PPP1R10: variants seen among roughly 807,000 people sequenced by gnomAD.
PPP1R10 encodes the protein serine/threonine-protein phosphatase 1 regulatory subunit 10.
PPP1R10 carries 15 observed loss-of-function variants against 99.0 expected under a neutral mutation model. The ratio of observed to expected loss-of-function variants is 0.15; its 90% CI spans 0.10 to 0.23. PPP1R10 has a LOEUF of 0.23. PPP1R10 is among the 10% of genes least tolerant of loss of function. PPP1R10 has a pLI of 1.00. For synonymous variants in PPP1R10, 430 were observed against 449.5 expected (o/e 0.96, Z 0.55); for missense variants, 947 against 1,259.4 (o/e 0.75, Z 3.75).
At position 30,606,323 on chromosome 6, in the gene PPP1R10, GTTC is replaced by G. The variant is rs10549787; in HGVS notation, c.635-83_635-81del. On this transcript the variant is annotated intron_variant, in intron 8 of 19. Coordinates refer to ENST00000376511, the MANE Select transcript of PPP1R10 (RefSeq NM_002714.4). This position sits in a 1 kb window ranked among gnomAD's most constrained non-coding sequence, Gnocchi z 6.3. The stretch of plus-strand genomic sequence containing the variant: ...TTTCCTCCCGTTCTCACCCGCAAAT[GTTC>G]TTCTAGCCTTGTAACCAAAGCTTCC... The G allele has an allele frequency of 0.021, 33,583 of 1,576,194 alleles. 707 individuals are homozygous for G. The highest frequency in any genetic ancestry group is 0.11 in the African/African-American group (7,891 of 74,030).
chr6:30,603,023 T>G, intron 17 of PPP1R10, 64 bp from the exon 18 acceptor site: 1 of 1,440,700 alleles, frequency 6.9e-7, no homozygotes. Context: ...ATCTCCCATT[T>G]AGGTGCAACC....
chr6:30,616,386 G>A (rs1371049865), intron 2 of PPP1R10, 92 bp downstream of exon 2: 1 of 152,520 alleles, frequency 6.6e-6, no homozygotes, highest in Non-Finnish European at 1.5e-5. Context: ...TTTGTTCTAT[G>A]GTCTCATTTC....
chr6:30,607,715 A>G, intron 6 of PPP1R10, 125 bp downstream of exon 6: 3 of 1,072,432 alleles, frequency 2.8e-6, no homozygotes, highest in South Asian at 1.4e-5. Context: ...TAAAAGAAGG[A>G]AAAAAAGCAA....
Position 30,609,169 on chromosome 6 carries a change from G to A in PPP1R10, c.108-6C>T. The stretch of plus-strand genomic sequence containing the variant: ...TTCGTGCTTCCTTCATCAAACTGCA[G>A]AAGATGAGTTAGGGTTAGAAATGAA... On this transcript the variant is annotated splice_region_variant and splice_polypyrimidine_tract_variant and intron_variant, in intron 3 of 19. Coordinates refer to ENST00000376511, the MANE Select transcript of PPP1R10 (RefSeq NM_002714.4). The surrounding 1 kb of genome is among the most constrained non-coding windows in gnomAD (Gnocchi z 4.5). The A allele has an allele frequency of 1.9e-6, 3 of 1,612,966 alleles. No homozygotes were observed. Among genetic ancestry groups the A allele is most frequent in the Non-Finnish European group, 2.5e-6 (3 of 1,179,882 alleles).
intron 2 of PPP1R10, among the ~76,000 whole-genome samples, chr6:30,611,425 T>A (rs1446095515): frequency 6.6e-6 from 1 of 152,100 alleles, no homozygotes; most frequent in East Asian, 1.9e-4. Context: ...ACCTTCCTCA[T>A]CCTACATCTA....
At position 30,609,317 on chromosome 6, in the gene PPP1R10, T is replaced by C. The variant is rs1189819005; in HGVS notation, c.108-154A>G. ...TATACCTCTAGGAAGATGGGATGGA[T>C]CCAGTGTGACATGGAAACTTATGGG... On this transcript the variant is annotated intron_variant, in intron 3 of 19. Transcript: ENST00000376511. The surrounding 1 kb of genome is among the most constrained non-coding windows in gnomAD (Gnocchi z 4.5). Among the ~76,000 whole-genome samples, 10 of 152,140 alleles carry C rather than the reference T, an allele frequency of 6.6e-5. No homozygotes were observed. The highest frequency in any genetic ancestry group is 1.3e-4 in the Non-Finnish European group (9 of 68,010).
Position 30,603,104 on chromosome 6 carries a change from C to T in PPP1R10, c.1843+106G>A, listed in dbSNP as rs1803544462. On this transcript the variant is annotated intron_variant, in intron 17 of 19. Transcript: ENST00000376511. ...CCAGTCTTCCCCTCCCATTTCTTGCCTAGTGGCCACAGCCCTGTATTCTTC... is the reference window on the plus strand; with the variant it reads ...CCAGTCTTCCCCTCCCATTTCTTGCTTAGTGGCCACAGCCCTGTATTCTTC... The T allele has an allele frequency of 1.4e-5, 20 of 1,461,772 alleles. No homozygotes were observed. The South Asian group carries it at 2.3e-4, about 17-fold the overall frequency. 90.6% of individuals were successfully genotyped at this position (1,461,772 alleles called of 1,614,324 possible).
Position 30,603,302 on chromosome 6 carries a change from A to C in PPP1R10, c.1768-17T>G. 6.2e-7 allele frequency: 1 copy of C among 1,604,508 alleles called. No homozygotes were observed. Among genetic ancestry groups the C allele is most frequent in the South Asian group, 1.1e-5 (1 of 90,856 alleles). ...TGGGCTACCCTGTGAGGATGTAAGAAGGCAAAGTCAACAGACAGAAAGGGT... is the reference window on the plus strand; with the variant it reads ...TGGGCTACCCTGTGAGGATGTAAGACGGCAAAGTCAACAGACAGAAAGGGT... On this transcript the variant is annotated splice_polypyrimidine_tract_variant and intron_variant, in intron 16 of 19. Transcript: ENST00000376511.
Position 30,604,241 on chromosome 6 carries a change from C to T in PPP1R10, c.1275G>A (p.Lys425=). The change falls in exon 14 of 20, where the codon AAG becomes AAA. Residue 425 remains lysine (K), a synonymous_variant. Coordinates refer to ENST00000376511, the MANE Select transcript of PPP1R10 (RefSeq NM_002714.4). The surrounding 1 kb of genome is among the most constrained non-coding windows in gnomAD (Gnocchi z 7.3). ...LDETERVNVN[K]IKDFGEAAKR... is the part of the protein sequence containing the mutation. ...TAGCCGCCTCACCAAAGTCCTTGATCTTATTCACATTTACTGTCGGCAGGG... is the reference window on the plus strand; with the variant it reads ...TAGCCGCCTCACCAAAGTCCTTGATTTTATTCACATTTACTGTCGGCAGGG... 6.2e-7 allele frequency: 1 copy of T among 1,614,166 alleles called. No individual in the cohort carries two copies. Among genetic ancestry groups the T allele is most frequent in the Non-Finnish European group, 8.5e-7 (1 of 1,180,020 alleles).
intron 2 of PPP1R10, among the ~76,000 whole-genome samples, chr6:30,612,385 A>G (rs148175820): frequency 6.6e-6 from 1 of 152,318 alleles, no homozygotes; most frequent in Non-Finnish European, 1.5e-5. Context: ...GAGACAAGAA[A>G]GAAGAGCCAG....
intron 5 of PPP1R10, 103 bp from the exon 6 acceptor site, chr6:30,607,994 T>TA (rs1561841660): frequency 1.6e-6 from 2 of 1,237,246 alleles, no homozygotes; most frequent in African/African-American, 3.1e-5. Flanking sequence ...TTTTTTTTTT[T>TA]TTTTTATTTT....
At chr6:30,605,269 T>G (rs966876811) in intron 10 of PPP1R10, among the ~76,000 whole-genome samples, 175 bp from the exon 11 acceptor site, 2 of 152,122 alleles carry the variant, frequency 1.3e-5, no homozygotes, top group African/African-American at 4.8e-5. Context: ...ATATTCTTGT[T>G]GTTATTCTAG....
Position 30,602,449 on chromosome 6 carries a change from G to A in PPP1R10, c.2200C>T (p.Pro734Ser). ...CCAGGGCCCCCTCGTCCATTTGGGG[G>A]TCCTCCTCCAGAGCGACCTCCTCTG... ...GARGGRSGGG[P>S]PNGRGGPGGG... is the part of the protein sequence containing the mutation. Residue 734 changes from proline (P) to serine (S), a missense_variant, in exon 19 of 20, where the codon CCC (proline) becomes TCC (serine). Physicochemically the swap from Pro to Ser is moderately conservative, Grantham distance 74. Coordinates refer to ENST00000376511, the MANE Select transcript of PPP1R10 (RefSeq NM_002714.4). This position sits in a 1 kb window ranked among gnomAD's most constrained non-coding sequence, Gnocchi z 6.7. 1.2e-6 allele frequency: 2 copies of A among 1,602,108 alleles called. No individual in the cohort carries two copies. Among genetic ancestry groups the A allele is most frequent in the East Asian group, 2.2e-5 (1 of 44,522 alleles).
chr6:30,612,921 A>G (rs1804704257), intron 2 of PPP1R10, among the ~76,000 whole-genome samples: 1 of 152,152 alleles, frequency 6.6e-6, no homozygotes, highest in African/African-American at 2.4e-5. Flanking sequence ...AAGCTTAAGA[A>G]AGCTTTCTGG....
intron 2 of PPP1R10, among the ~76,000 whole-genome samples, chr6:30,611,829 A>T (rs1481865085): frequency 6.6e-6 from 1 of 152,196 alleles, no homozygotes; most frequent in African/African-American, 2.4e-5. Flanking sequence ...ACCTGAGGTC[A>T]GAGAAAAAAC....
At position 30,606,338 on chromosome 6, in the gene PPP1R10, T is replaced by TA. The variant is rs2127442114; in HGVS notation, c.635-96dup. ...ACCCGCAAATGTTCTTCTAGCCTTG[T>TA]AACCAAAGCTTCCTCTGCTAGTCTT... On this transcript the variant is annotated intron_variant, in intron 8 of 19. Transcript: ENST00000376511. This position sits in a 1 kb window ranked among gnomAD's most constrained non-coding sequence, Gnocchi z 6.3. 1.9e-6 allele frequency: 3 copies of TA among 1,565,352 alleles called. No homozygotes were observed. Among genetic ancestry groups the TA allele is most frequent in the Admixed American group, 3.5e-5 (2 of 57,226 alleles).
rs1201417897 is a variant in PPP1R10 at position 30,602,980 on chromosome 6, AAC to A, written c.1844-23_1844-22del. On this transcript the variant is annotated intron_variant, in intron 17 of 19. Transcript: ENST00000376511. This position sits in a 1 kb window ranked among gnomAD's most constrained non-coding sequence, Gnocchi z 6.7. Reference sequence around the variant, plus strand: ...TGGCACTGTTAATGAAAACAAGAGTAACACAGCATGAGCACTCTAGAAGACTA... The same window carrying A: ...TGGCACTGTTAATGAAAACAAGAGTAACAGCATGAGCACTCTAGAAGACTA... The A allele has an allele frequency of 3.3e-6, 5 of 1,522,180 alleles. No homozygotes were observed. The highest frequency in any genetic ancestry group is 4.4e-6 in the Non-Finnish European group (5 of 1,129,016). The allele number at this position is 1,522,180 out of a possible 1,614,324, so 94.3% of individuals were successfully genotyped here. A position where few individuals can be genotyped will look rare whatever the true frequency, so the allele number is the denominator to read the frequency against.
In PPP1R10 at chr6:30,606,544, C is replaced by G. The variant is rs1392149912; in HGVS notation, c.558G>C (p.Glu186Asp). ...GCTTCTCCCTCTTCTTCTCTGGGGC[C>G]TCCTCAGCCCGGGTCTCAGCCTTCA... ...TEVKAETRAE[E>D]APEKKREKPK... The change falls in exon 8 of 20, where the codon GAG (glutamate) becomes GAC (aspartate). Residue 186 changes from glutamate to aspartate, a missense_variant. Physicochemically the swap from Glu to Asp is conservative, Grantham distance 45. Coordinates refer to ENST00000376511, the MANE Select transcript of PPP1R10 (RefSeq NM_002714.4). The surrounding 1 kb of genome is among the most constrained non-coding windows in gnomAD (Gnocchi z 6.3). The G allele has an allele frequency of 3.1e-6, 5 of 1,614,134 alleles. No homozygotes were observed. Among genetic ancestry groups the G allele is most frequent in the Middle Eastern group, 3.3e-4 (2 of 6,010 alleles).
At chr6:30,611,725 G>C (rs1804577550) in intron 2 of PPP1R10, among the ~76,000 whole-genome samples, 1 of 152,162 alleles carries the variant, frequency 6.6e-6, no homozygotes, top group South Asian at 2.1e-4. Context: ...CTTGGCTCTG[G>C]AGATCATAAC....
Sources: gnomAD v4.1 joint callset for allele counts (sites outside exome capture counted in the v4.1 genomes callset) on GRCh38, gnomAD v4.1.1 for gene constraint, Gnocchi (gnomAD v3.1) non-coding constraint, MANE v1.5 for transcripts, NCBI Gene and HGNC (gene_info 2026-07-23, HGNC 2026-07-21) for gene names.